Variants in HMCN1 observed in about 807,000 individuals in gnomAD.
HMCN1 encodes hemicentin 1.
HMCN1 carries 321 observed loss-of-function variants against 625.9 expected under a neutral mutation model. That is an observed-to-expected ratio of 0.51 (90% CI 0.47 to 0.56). The LOEUF (loss-of-function observed/expected upper bound fraction) is 0.56, where lower values mean the gene tolerates loss of function less well. Among genes scored for constraint, HMCN1 ranks in the 20% least tolerant of loss-of-function variants. The pLI, the probability that HMCN1 is intolerant of heterozygous loss-of-function variation, is 0.00. For synonymous variants in HMCN1, 2,425 were observed against 2,417.6 expected, an observed-to-expected ratio of 1.00 and a Z score of -0.09; for missense variants, 6,588 against 6,887.3, an observed-to-expected ratio of 0.96 and a Z score of 1.54.
chr1:185,776,754 T>C (rs1014357859), intron 1 of HMCN1, among the ~76,000 whole-genome samples: 1 of 152,188 alleles, frequency 6.6e-6, no homozygotes, highest in Non-Finnish European at 1.5e-5. Flanking sequence ...AAATGCATAA[T>C]ATGAATGGCA....
In HMCN1 at chr1:186,038,900, A is replaced by G. The variant is rs145889775; in HGVS notation, c.5923A>G (p.Ile1975Val). Residue 1975 changes from isoleucine to valine, a missense_variant, in exon 38 of 107, where the codon ATC becomes GTC. By Grantham distance (29) the Ile-to-Val change is conservative. Around this residue, in one of 3 missense-constraint regions of HMCN1, gnomAD observed 4,628 missense variants for 4,853.1 expected, o/e 0.95. Transcript: ENST00000271588. ...CATGACTTTCTTGAACAGAGGACAG[A>G]TCATTGATATTGAAAGTGCCCAGAT... ...TSMTFLNRGQ[I>V]IDIESAQISD... 3.0e-4 allele frequency: 480 copies of G among 1,603,232 alleles called. 2 individuals carry two copies. Among genetic ancestry groups the G allele is most frequent in the Non-Finnish European group, 3.8e-4 (439 of 1,170,246 alleles).
chr1:185,954,263 A>G (rs992048138), intron 11 of HMCN1, among the ~76,000 whole-genome samples: 13 of 152,284 alleles, frequency 8.5e-5, no homozygotes, highest in African/African-American at 3.1e-4. Flanking sequence ...AGTTCCTATT[A>G]TGTTTTCAGA....
At chr1:186,062,632 C>G (rs180843720) in intron 48 of HMCN1, 32 bp downstream of exon 48, 2 of 1,403,080 alleles carry the variant, frequency 1.4e-6, no homozygotes, top group Non-Finnish European at 1.0e-6. Flanking sequence ...TTTTGGTGCT[C>G]CCCCCACTCA....
chr1:186,077,960 A>G (rs1442705586), intron 54 of HMCN1, 147 bp from the exon 55 acceptor site: 2 of 649,412 alleles, frequency 3.1e-6, no homozygotes, highest in African/African-American at 1.8e-5. Context: ...TAAAAGTGGT[A>G]TCTGAGATTA....
At chr1:186,023,289 T>A (rs1309085113) in intron 36 of HMCN1, 136 bp downstream of exon 36, 2 of 172,774 alleles carry the variant, frequency 1.2e-5, no homozygotes, top group Non-Finnish European at 1.0e-5. Context: ...AAACCTAGGG[T>A]TTTTTTTTTT....
At chr1:186,151,786 G>T (rs186795309) in intron 95 of HMCN1, 43 bp downstream of exon 95, 24 of 1,593,044 alleles carry the variant, frequency 1.5e-5, no homozygotes, top group Admixed American at 1.3e-4. Flanking sequence ...TATAAAAAGT[G>T]CCATGAAGAT....
intron 1 of HMCN1, among the ~76,000 whole-genome samples, chr1:185,806,353 TTGTA>T (rs1304417969): frequency 2.6e-5 from 4 of 151,974 alleles, no homozygotes; most frequent in Admixed American, 6.6e-5. Context: ...CAGATTTACT[TTGTA>T]TGTTTATGAG....
chr1:186,104,531 T>C (rs1334028066), intron 69 of HMCN1, among the ~76,000 whole-genome samples: 1 of 152,208 alleles, frequency 6.6e-6, no homozygotes, highest in African/African-American at 2.4e-5. Flanking sequence ...CTAAGAGTTA[T>C]AAACTCTCTA....
intron 97 of HMCN1, among the ~76,000 whole-genome samples, chr1:186,163,560 C>G (rs769668405): frequency 2.6e-5 from 4 of 152,226 alleles, no homozygotes; most frequent in Admixed American, 6.5e-5. Context: ...GCTCCTCCCC[C>G]CAATTAAGCA....
At position 186,032,978 on chromosome 1, in the gene HMCN1, G is replaced by A. The variant is rs185033442; in HGVS notation, c.5750-4956G>A. Among the ~76,000 whole-genome samples the A allele has an allele frequency of 3.7e-4, 56 of 151,708 alleles. 1 individual carries two copies. Among genetic ancestry groups the A allele is most frequent in the Admixed American group, 3.5e-3 (53 of 15,210 alleles). ...CACATGCACATGCATGTTTACAACA[G>A]CACAATTTGCAATTGCAAAGATATG... On this transcript the variant is annotated intron_variant, in intron 36 of 106. Coordinates refer to ENST00000271588, the MANE Select transcript of HMCN1 (RefSeq NM_031935.3).
intron 69 of HMCN1, among the ~76,000 whole-genome samples, chr1:186,104,678 T>C (rs1395330043): frequency 2.0e-5 from 3 of 152,194 alleles, no homozygotes; most frequent in East Asian, 3.8e-4. Context: ...CAAGTACTCA[T>C]TGCTGCTCAG....
intron 4 of HMCN1, among the ~76,000 whole-genome samples, chr1:185,879,149 T>C (rs150845431): frequency 8.5e-4 from 130 of 152,230 alleles, no homozygotes; most frequent in African/African-American, 3.0e-3. Context: ...TTGCCTAGTA[T>C]CTTGCTTAGT....
At position 185,933,644 on chromosome 1, in the gene HMCN1, A is replaced by T. The variant is rs752166735; in HGVS notation, c.1648A>T (p.Asn550Tyr). The T allele has an allele frequency of 4.8e-5, 77 of 1,613,940 alleles. No individual in the cohort carries two copies. The highest frequency in any genetic ancestry group is 6.3e-5 in the Non-Finnish European group (74 of 1,179,976). The change falls in exon 11 of 107, where the codon AAT becomes TAT. Residue 550 changes from asparagine (N) to tyrosine (Y), a missense_variant. Transcript: ENST00000271588. ...TCLIISAVDYNLTWQRNDRDV... is the reference protein window; with the variant it reads ...TCLIISAVDYYLTWQRNDRDV... ...TCTCATCATCAGTGCGGTGGATTAC[A>T]ATCTAACCTGGCAGAGGAATGACAG...
rs375229947 is a variant in HMCN1, at chr1:185,958,441, A to G, written c.1829-4077A>G. Among the ~76,000 whole-genome samples, 19 of 152,190 alleles carry G rather than the reference A, an allele frequency of 1.2e-4. No individual in the cohort carries two copies. In the East Asian group the frequency reaches 1.7e-3, roughly 14 times the overall value. On this transcript the variant is annotated intron_variant, in intron 11 of 106. Coordinates refer to ENST00000271588, the MANE Select transcript of HMCN1 (RefSeq NM_031935.3). Reference sequence around the variant, plus strand: ...GGCTGAAATAGGATATATAATCTAAATGACGTATGTAAGTGTGAGGATTGT... The same window carrying G: ...GGCTGAAATAGGATATATAATCTAAGTGACGTATGTAAGTGTGAGGATTGT...
intron 4 of HMCN1, among the ~76,000 whole-genome samples, chr1:185,874,754 G>A (rs1663826733): frequency 6.6e-6 from 1 of 151,892 alleles, no homozygotes; most frequent in Non-Finnish European, 1.5e-5. Context: ...ATTTTAAATA[G>A]ACACAAGAAA....
At chr1:185,892,929 T>G (rs1157017609) in intron 4 of HMCN1, among the ~76,000 whole-genome samples, 1 of 152,140 alleles carries the variant, frequency 6.6e-6, no homozygotes, top group Non-Finnish European at 1.5e-5. Context: ...GCCTTGCAGT[T>G]TGATCTCAGA....
chr1:185,943,835 C>T (rs184495330), intron 11 of HMCN1, among the ~76,000 whole-genome samples: 1 of 152,298 alleles, frequency 6.6e-6, no homozygotes, highest in East Asian at 1.9e-4. Flanking sequence ...GACCAGCACC[C>T]ATCCTAATGC....
rs762336049 is a variant in HMCN1 at position 186,127,716 on chromosome 1, G to A, written c.12691-362G>A. Among the ~76,000 whole-genome samples the A allele has an allele frequency of 2.0e-5, 3 of 152,040 alleles. No homozygotes were observed. In the East Asian group the frequency reaches 5.8e-4, roughly 29 times the overall value. On this transcript the variant is annotated intron_variant, in intron 82 of 106. Coordinates refer to ENST00000271588, the MANE Select transcript of HMCN1 (RefSeq NM_031935.3). ...GATAGTTTTGTTGATCTTTGGTACC[G>A]CCTTAGAGAGCCAATTATGCTGTCA... is the stretch of plus-strand genomic sequence containing the variant.
intron 1 of HMCN1, among the ~76,000 whole-genome samples, chr1:185,778,934 A>G (rs1656833814): frequency 6.6e-6 from 1 of 152,168 alleles, no homozygotes; most frequent in Admixed American, 6.5e-5. Flanking sequence ...GTCTTCCACA[A>G]TGGTTGAACT....
Sources: allele counts gnomAD v4.1 joint callset (sites outside exome capture counted in the v4.1 genomes callset), GRCh38; gene constraint gnomAD v4.1.1; regional missense constraint gnomAD v4.1.1; transcripts MANE v1.5; gene names NCBI Gene and HGNC (gene_info 2026-07-23, HGNC 2026-07-21).